The following BCLAF1 variants were observed in gnomAD, a reference collection of about 807,000 sequenced individuals.
BCLAF1 encodes the protein BCL2 associated transcription factor 1, also known as bcl-2-associated transcription factor 1.
Under a neutral mutation model 99.5 loss-of-function variants are expected in BCLAF1, and 10 were observed. That is an observed-to-expected ratio of 0.10 (90% CI 0.06 to 0.17). The LOEUF (loss-of-function observed/expected upper bound fraction) is 0.17, where lower values mean the gene tolerates loss of function less well. BCLAF1 is among the 10% of genes least tolerant of loss of function. BCLAF1 has a pLI of 1.00. For missense variants in BCLAF1, 636 were observed against 1,105.8 expected (o/e 0.58, Z 6.02); for synonymous variants, 255 against 370.9 (o/e 0.69, Z 3.59).
Position 136,257,424 on chromosome 6 carries a change from AATC to A in BCLAF1, c.*3683_*3685del, listed in dbSNP as rs1365113228. On this transcript the variant is annotated 3_prime_UTR_variant, in exon 13 of 13. Transcript: ENST00000531224. ...CTCATTACCATCATTGACACAAGTTAATCATTACTGCATGTTTCTAAAACAATA... is the reference window on the plus strand; with the variant it reads ...CTCATTACCATCATTGACACAAGTTAATTACTGCATGTTTCTAAAACAATA... 1 of 152,176 alleles carries A rather than the reference AATC, an allele frequency of 6.6e-6. No individual in the cohort carries two copies. The highest frequency in any genetic ancestry group is 1.9e-4 in the East Asian group (1 of 5,198). The allele number at this position is 152,176 out of a possible 1,614,324, so 9.4% of individuals were successfully genotyped here. A position where few individuals can be genotyped will look rare whatever the true frequency, so the allele number is the denominator to read the frequency against.
At position 136,260,900 on chromosome 6, in the gene BCLAF1, G is replaced by A. The variant is rs554785112; in HGVS notation, c.*210C>T. The stretch of plus-strand genomic sequence containing the variant: ...AAGTTGATAGTTACAAATATGGTAC[G>A]TAACAATTTTCTACTTTATTTCAGT... On this transcript the variant is annotated 3_prime_UTR_variant, in exon 13 of 13. Transcript: ENST00000531224. 77 of 524,298 alleles carry A rather than the reference G, an allele frequency of 1.5e-4. No individual in the cohort carries two copies. Among genetic ancestry groups the A allele is most frequent in the Non-Finnish European group, 2.2e-4 (67 of 300,708 alleles). 32.5% of individuals were successfully genotyped at this position (524,298 alleles called of 1,614,324 possible).
chr6:136,264,356 A>G (rs915738100), intron 11 of BCLAF1, among the ~76,000 whole-genome samples: 6 of 151,922 alleles, frequency 3.9e-5, no homozygotes, highest in African/African-American at 7.3e-5. Context: ...ACAGGCACGC[A>G]CCACCACGCT....
chr6:136,276,502 T>C lies in BCLAF1; in HGVS notation c.1023A>G (p.Thr341=), dbSNP rs1419986305. The C allele has an allele frequency of 2.9e-5, 46 of 1,581,608 alleles. No individual in the cohort carries two copies. The highest frequency in any genetic ancestry group is 3.8e-5 in the Non-Finnish European group (44 of 1,169,070). Reference sequence around the variant, plus strand: ...GCAGGAATACTCTAGACTCTTCATCTGTGAACCTGCGAATAAGCAAAGAAG... The same window carrying C: ...GCAGGAATACTCTAGACTCTTCATCCGTGAACCTGCGAATAAGCAAAGAAG... The part of the protein sequence containing the change: ...AKTGKFLKRF[T]DEESRVFLLD... The change falls in exon 5 of 13, where the codon ACA becomes ACG. Residue 341 remains threonine, a synonymous_variant. Transcript: ENST00000531224.
chr6:136,288,423 G>T (rs1485128566), intron 1 of BCLAF1, among the ~76,000 whole-genome samples: 1 of 152,178 alleles, frequency 6.6e-6, no homozygotes, highest in Non-Finnish European at 1.5e-5. Flanking sequence ...CAAAAGCCTT[G>T]TAGCAGTTTT....
rs745921650 is a variant in BCLAF1, at chr6:136,260,140, T to A, written c.*970A>T. ...TGCTGTGTTTCTCTATTTTTACTAA[T>A]AGTTACACTACAAACTAATGTTCAG... On this transcript the variant is annotated 3_prime_UTR_variant, in exon 13 of 13. Transcript: ENST00000531224. 6.6e-6 allele frequency: 1 copy of A among 152,074 alleles called. No individual in the cohort carries two copies. The highest frequency in any genetic ancestry group is 2.4e-5 in the African/African-American group (1 of 41,456). 9.4% of individuals were successfully genotyped at this position (152,074 alleles called of 1,614,324 possible). A position where few individuals can be genotyped will look rare whatever the true frequency, so the allele number is the denominator to read the frequency against.
At chr6:136,275,753 T>A in intron 5 of BCLAF1, 52 bp from the exon 6 acceptor site, 1 of 1,559,470 alleles carries the variant, frequency 6.4e-7, no homozygotes. Context: ...TTGGTTTAAA[T>A]ATAAAAATGG....
Position 136,277,849 on chromosome 6 carries a change from G to A in BCLAF1, c.1016+16C>T. 1 of 1,601,148 alleles carries A rather than the reference G, an allele frequency of 6.2e-7. No homozygotes were observed. The highest frequency in any genetic ancestry group is 8.5e-7 in the Non-Finnish European group (1 of 1,173,496). On this transcript the variant is annotated intron_variant, in intron 4 of 12. Transcript: ENST00000531224. The stretch of plus-strand genomic sequence containing the variant: ...AAAACAATATTATAATCTAGATTCT[G>A]TATTTTAGTTTTTACCTTTTTAAGA...
At position 136,277,845 on chromosome 6, in the gene BCLAF1, T is replaced by G; in HGVS notation, c.1016+20A>C. On this transcript the variant is annotated intron_variant, in intron 4 of 12. Coordinates refer to ENST00000531224, the MANE Select transcript of BCLAF1 (RefSeq NM_014739.3). ...AACAAAAACAATATTATAATCTAGA[T>G]TCTGTATTTTAGTTTTTACCTTTTT... 1.9e-6 allele frequency: 3 copies of G among 1,597,722 alleles called. No individual in the cohort carries two copies. The highest frequency in any genetic ancestry group is 2.6e-6 in the Non-Finnish European group (3 of 1,172,238).
intron 11 of BCLAF1, among the ~76,000 whole-genome samples, chr6:136,264,172 T>G (rs748411028): frequency 1.6e-4 from 25 of 152,180 alleles, no homozygotes; most frequent in Non-Finnish European, 4.4e-5. Flanking sequence ...CCTAGCATAG[T>G]ACATGATGCT....
In BCLAF1 at chr6:136,282,962, GAT is replaced by G. The variant is rs567592692; in HGVS notation, c.-114-277_-114-276del. Among the ~76,000 whole-genome samples the G allele has an allele frequency of 2.0e-5, 3 of 151,714 alleles. No individual in the cohort carries two copies. In the South Asian group the frequency reaches 6.2e-4, roughly 32 times the overall value. On this transcript the variant is annotated intron_variant, in intron 1 of 12. Transcript: ENST00000531224. ...GTAATTTGAGCCTTAAAAAACATAT[GAT>G]ATGTCGTTCCATCAGAAAATTCCAA... is the stretch of plus-strand genomic sequence containing the variant.
intron 1 of BCLAF1, among the ~76,000 whole-genome samples, chr6:136,289,342 ACGAGCGCGCGTGCGCGGAGCGTTCAGT>A (rs1562274303): frequency 6.6e-6 from 1 of 152,242 alleles, no homozygotes; most frequent in African/African-American, 2.4e-5. Flanking sequence ...AGAAAAATGA[ACGAGCGCGCGTGCGCGGAGCGTTCAGT>A]CGGGCGCGCG....
rs554003729 is a variant in BCLAF1 at position 136,289,451 on chromosome 6, C to G, written c.-115+262G>C. ...ATGCGCACGCGCACGGGAGGCCGCGCGGGCTGTGGGTCTCCAGGCAGGTTC... is the reference window on the plus strand; with the variant it reads ...ATGCGCACGCGCACGGGAGGCCGCGGGGGCTGTGGGTCTCCAGGCAGGTTC... On this transcript the variant is annotated intron_variant, in intron 1 of 12. Coordinates refer to ENST00000531224, the MANE Select transcript of BCLAF1 (RefSeq NM_014739.3). Among the ~76,000 whole-genome samples, 110 of 152,234 alleles carry G rather than the reference C, an allele frequency of 7.2e-4. No homozygotes were observed. The Middle Eastern group carries it at 0.02, about 28-fold the overall frequency.
intron 1 of BCLAF1, among the ~76,000 whole-genome samples, chr6:136,287,582 A>G (rs1181338468): frequency 6.6e-6 from 1 of 152,240 alleles, no homozygotes; most frequent in Non-Finnish European, 1.5e-5. Context: ...ACACAGCTGA[A>G]TTCAGCTAGT....
rs898884625 is a variant in BCLAF1 at position 136,257,950 on chromosome 6, C to T, written c.*3160G>A. 1 of 152,134 alleles carries T rather than the reference C, an allele frequency of 6.6e-6. No homozygotes were observed. The highest frequency in any genetic ancestry group is 2.4e-5 in the African/African-American group (1 of 41,452). The allele number at this position is 152,134 out of a possible 1,614,324, so 9.4% of individuals were successfully genotyped here. A position where few individuals can be genotyped will look rare whatever the true frequency, so the allele number is the denominator to read the frequency against. On this transcript the variant is annotated 3_prime_UTR_variant, in exon 13 of 13. Transcript: ENST00000531224. ...TATAAGAAATTTGTATATAACATTACAATTATCCAGTATAATTAAGCTACC... is the reference window on the plus strand; with the variant it reads ...TATAAGAAATTTGTATATAACATTATAATTATCCAGTATAATTAAGCTACC...
chr6:136,289,087 G>A (rs1785572610), intron 1 of BCLAF1, among the ~76,000 whole-genome samples: 1 of 152,202 alleles, frequency 6.6e-6, no homozygotes, highest in African/African-American at 2.4e-5. Flanking sequence ...GCAGCGAGAG[G>A]CAGAACAGAG....
rs570210520 is a variant in BCLAF1 at position 136,261,156 on chromosome 6, GGA to G, written c.2758-43_2758-42del. ...AAAATTAAAGATTAACAAAAGATGC[GGA>G]GAGTGAAAAGGAACCATATTAATAA... On this transcript the variant is annotated intron_variant, in intron 12 of 12. Transcript: ENST00000531224. The G allele has an allele frequency of 4.7e-4, 743 of 1,568,652 alleles. 3 individuals carry two copies. The African/African-American group carries it at 8.7e-3, about 18-fold the overall frequency.
intron 9 of BCLAF1, chr6:136,268,689 A>C (rs1782087440): frequency 4.8e-6 from 1 of 208,688 alleles, no homozygotes; most frequent in African/African-American, 2.4e-5. Flanking sequence ...TCTTAAGGCC[A>C]AGTTTCAAAA....
intron 6 of BCLAF1, among the ~76,000 whole-genome samples, chr6:136,274,348 T>A (rs1782958645): frequency 6.7e-6 from 1 of 149,714 alleles, no homozygotes; most frequent in Non-Finnish European, 1.5e-5. Context: ...TATCAAAACC[T>A]GATCTCAAAA....
intron 9 of BCLAF1, chr6:136,269,215 T>C (rs566847381): frequency 1.4e-6 from 2 of 1,452,476 alleles, no homozygotes; most frequent in Admixed American, 2.5e-5. Context: ...ACACATTAAT[T>C]TGTCATTTTT....
Sources: gnomAD v4.1 joint callset for allele counts (sites outside exome capture counted in the v4.1 genomes callset) on GRCh38, gnomAD v4.1.1 for gene constraint, MANE v1.5 for transcripts, NCBI Gene and HGNC (gene_info 2026-07-23, HGNC 2026-07-21) for gene names.